CR1L: variants seen among roughly 807,000 people sequenced by gnomAD.
The protein encoded by CR1L is complement component receptor 1-like protein.
In CR1L, 59 loss-of-function variants were observed where a neutral mutation model predicts 62.3. The observed-to-expected ratio is 0.95, with a 90% CI of 0.77 to 1.18. CR1L has a LOEUF of 1.18. Ranked by LOEUF, CR1L falls within the 50% of genes most tolerant of loss-of-function variation. The pLI, the probability that CR1L is intolerant of heterozygous loss-of-function variation, is 0.00. For synonymous variants in CR1L, 279 were observed against 248.7 expected (o/e 1.12, Z -1.15); for missense variants, 700 against 702.8 (o/e 1.00, Z 0.04).
intron 1 of CR1L, among the ~76,000 whole-genome samples, chr1:207,657,984 G>A (rs946817746): frequency 5.3e-5 from 8 of 151,962 alleles, no homozygotes; most frequent in Non-Finnish European, 1.0e-4. Context: ...CAACAACAAG[G>A]CCAATCCCCA....
intron 10 of CR1L, among the ~76,000 whole-genome samples, chr1:207,709,736 C>T (rs948152124): frequency 2.8e-5 from 4 of 141,544 alleles, no homozygotes; most frequent in Admixed American, 2.8e-4. Context: ...ACTTGGGAGG[C>T]TGCAGCAGGA....
At chr1:207,673,307 G>A (rs1663641717) in intron 1 of CR1L, among the ~76,000 whole-genome samples, 1 of 133,862 alleles carries the variant, frequency 7.5e-6, no homozygotes, top group Non-Finnish European at 1.7e-5. Flanking sequence ...TTTATATTTA[G>A]GCATATAATT....
intron 10 of CR1L, chr1:207,710,464 G>A (rs1350806024): frequency 4.1e-5 from 66 of 1,601,634 alleles, no homozygotes; most frequent in Non-Finnish European, 5.4e-5. Flanking sequence ...ATGGATCAGT[G>A]GTGACCTACC....
At chr1:207,679,062 T>C (rs1458166750) in intron 3 of CR1L, among the ~76,000 whole-genome samples, 1 of 149,848 alleles carries the variant, frequency 6.7e-6, no homozygotes, top group Admixed American at 6.7e-5. Flanking sequence ...AGTGGCGAGA[T>C]CTCGGCTCAC....
intron 7 of CR1L, 114 bp downstream of exon 7, chr1:207,697,987 C>G: frequency 1.4e-6 from 2 of 1,472,898 alleles, no homozygotes; most frequent in Admixed American, 1.9e-5. Flanking sequence ...CACACACACA[C>G]ACACACACAA....
chr1:207,678,423 A>C, intron 3 of CR1L, 126 bp downstream of exon 3: 1 of 768,394 alleles, frequency 1.3e-6, no homozygotes, highest in Non-Finnish European at 2.1e-6. Flanking sequence ...AGGCTTCAAC[A>C]CAGGTGCTTA....
chr1:207,700,423 G>A (rs114208112), intron 8 of CR1L, among the ~76,000 whole-genome samples: 4,409 of 152,228 alleles, frequency 0.029, 226 homozygotes, highest in African/African-American at 0.1. Context: ...TCTTCCAAAT[G>A]CCAGTTCTAA....
chr1:207,702,689 A>T (rs1641979799), intron 9 of CR1L, among the ~76,000 whole-genome samples: 1 of 152,262 alleles, frequency 6.6e-6, no homozygotes, highest in South Asian at 2.1e-4. Context: ...ATACAAGATC[A>T]AACTAGACAT....
At chr1:207,646,793 A>G (rs890845445) in intron 1 of CR1L, among the ~76,000 whole-genome samples, 1 of 151,694 alleles carries the variant, frequency 6.6e-6, no homozygotes, top group Non-Finnish European at 1.5e-5. Context: ...AAATAAAAGG[A>G]CAACTGTTTT....
intron 10 of CR1L, chr1:207,710,408 A>G (rs1664335070): frequency 4.5e-6 from 7 of 1,546,700 alleles, no homozygotes; most frequent in Admixed American, 1.7e-5. Flanking sequence ...ACCCCCCAAC[A>G]TCACCAATGG....
chr1:207,697,653 G>A lies in CR1L; in HGVS notation c.1013G>A (p.Trp338Ter). ...TYLHCTPQGD[W>*]SPAAPRCEVK... ...TTGCACTGCACACCCCAGGGAGACT[G>A]GAGCCCTGCAGCCCCCAGATGTGAA... The change falls in exon 6 of 12, where the codon TGG becomes TAG. Residue 338 changes from tryptophan (W) to a stop codon, truncating the protein, a stop_gained. Coordinates refer to ENST00000508064, the MANE Select transcript of CR1L (RefSeq NM_175710.2). LOFTEE classifies it high-confidence loss of function. 6.2e-7 allele frequency: 1 copy of A among 1,613,996 alleles called. No individual in the cohort carries two copies. Among genetic ancestry groups the A allele is most frequent in the Non-Finnish European group, 8.5e-7 (1 of 1,179,884 alleles).
chr1:207,717,690 T>TTC lies in CR1L; in HGVS notation c.1641_1642insTC (p.Gly548SerfsTer8). The TTC allele has an allele frequency of 6.2e-7, 1 of 1,614,022 alleles. No homozygotes were observed. Among genetic ancestry groups the TTC allele is most frequent in the Non-Finnish European group, 8.5e-7 (1 of 1,179,890 alleles). The stretch of plus-strand genomic sequence containing the variant: ...CTCGCTGTGAACTTCCTGTTGGTGC[T>TTC]GGTCAGTATCCGCTTCCACATATCC... On this transcript the variant is annotated frameshift_variant and splice_region_variant, in exon 11 of 12. Transcript: ENST00000508064. LOFTEE classifies it low-confidence loss of function (END_TRUNC).
At chr1:207,669,113 A>G (rs950913222) in intron 1 of CR1L, 1 of 256,134 alleles carries the variant, frequency 3.9e-6, no homozygotes, top group Non-Finnish European at 7.6e-6. Flanking sequence ...GTGAGTTGCC[A>G]TCATCCACCG....
chr1:207,717,149 T>C (rs1654017523), intron 10 of CR1L, among the ~76,000 whole-genome samples: 1 of 152,190 alleles, frequency 6.6e-6, no homozygotes, highest in East Asian at 1.9e-4. Context: ...TTACTATGCC[T>C]GATTTAAAGT....
chr1:207,674,368 A>G (rs1362689307), intron 1 of CR1L, among the ~76,000 whole-genome samples: 1 of 152,202 alleles, frequency 6.6e-6, no homozygotes, highest in Non-Finnish European at 1.5e-5. Context: ...TAAAGCTATA[A>G]AAACTTTTTA....
At chr1:207,708,351 T>C in intron 10 of CR1L, 88 bp downstream of exon 10, 1 of 1,493,392 alleles carries the variant, frequency 6.7e-7, no homozygotes, top group Non-Finnish European at 9.2e-7. Context: ...CTCATCCCTC[T>C]TGGAAATGGT....
In CR1L at chr1:207,701,543, T is replaced by A. The variant is rs767180294; in HGVS notation, c.1253T>A (p.Val418Asp). The change falls in exon 9 of 12, where the codon GTT (valine) becomes GAT (aspartate). Residue 418 changes from valine (V) to aspartate (D), a missense_variant. Coordinates refer to ENST00000508064, the MANE Select transcript of CR1L (RefSeq NM_175710.2). ...CERKSCETPPVPVNGMVHVIT... is the reference protein window; with the variant it reads ...CERKSCETPPDPVNGMVHVIT... ...GGTAAATCATGTGAAACTCCTCCAG[T>A]TCCAGTGAATGGCATGGTGCATGTG... The A allele has an allele frequency of 2.9e-5, 47 of 1,613,244 alleles. 2 individuals carry two copies. The highest frequency in any genetic ancestry group is 3.3e-4 in the Middle Eastern group (2 of 6,078).
intron 1 of CR1L, among the ~76,000 whole-genome samples, chr1:207,663,140 C>T (rs959535428): frequency 3.3e-5 from 5 of 152,182 alleles, no homozygotes; most frequent in African/African-American, 9.6e-5. Context: ...TCTCAAGCTG[C>T]GTGCTGGGAG....
At chr1:207,699,874 A>T (rs754645448) in intron 8 of CR1L, among the ~76,000 whole-genome samples, 1 of 152,194 alleles carries the variant, frequency 6.6e-6, no homozygotes, top group Non-Finnish European at 1.5e-5. Flanking sequence ...GGAAAAAAAT[A>T]AGCAAATTAA....
Sources: allele counts gnomAD v4.1 joint callset (sites outside exome capture counted in the v4.1 genomes callset), GRCh38; gene constraint gnomAD v4.1.1; transcripts MANE v1.5; gene names NCBI Gene and HGNC (gene_info 2026-07-23, HGNC 2026-07-21).